Variants in UNC5D observed in about 807,000 individuals in gnomAD.
UNC5D encodes the protein unc-5 netrin receptor D.
Under a neutral mutation model 105.4 loss-of-function variants are expected in UNC5D, and 39 were observed. The ratio of observed to expected loss-of-function variants is 0.37; its 90% CI spans 0.29 to 0.48. The LOEUF is 0.48. Ranked by LOEUF, UNC5D falls within the 20% of genes least tolerant of loss-of-function variation. The pLI is 0.98. For missense variants in UNC5D, 991 were observed against 1,202.4 expected, an observed-to-expected ratio of 0.82 and a Z score of 2.60; for synonymous variants, 452 against 450.4, an observed-to-expected ratio of 1.00 and a Z score of -0.04.
At position 35,750,671 on chromosome 8, in the gene UNC5D, C is replaced by T. The variant is rs148296756; in HGVS notation, c.2025C>T (p.Thr675=). 2.5e-4 allele frequency: 406 copies of T among 1,614,118 alleles called. 2 individuals carry two copies. In the African/African-American group the frequency reaches 5.0e-3, roughly 20 times the overall value. ...ACHVLLDSFG[T]YALTGEPITD... is the part of the protein sequence containing the mutation. Reference sequence around the variant, plus strand: ...ATGTGCTCCTGGACAGCTTTGGGACCTATGCGCTCACTGGAGAGCCAATCA... The same window carrying T: ...ATGTGCTCCTGGACAGCTTTGGGACTTATGCGCTCACTGGAGAGCCAATCA... The change falls in exon 13 of 17, where the codon ACC becomes ACT. Residue 675 remains threonine (T), a synonymous_variant. Transcript: ENST00000404895.
At chr8:35,686,918 C>A (rs1213762757) in intron 7 of UNC5D, among the ~76,000 whole-genome samples, 1 of 152,100 alleles carries the variant, frequency 6.6e-6, no homozygotes. Flanking sequence ...TATCACTGTG[C>A]ATTCTGTTGA....
At chr8:35,704,571 T>C (rs73583051) in intron 7 of UNC5D, among the ~76,000 whole-genome samples, 8,684 of 152,242 alleles carry the variant, frequency 0.057, 664 homozygotes, top group African/African-American at 0.17. Context: ...CCCCCTACCA[T>C]TGTGTGAGTC....
chr8:35,793,094 A>G lies in UNC5D; in HGVS notation c.*2531A>G. 2.2e-6 allele frequency: 1 copy of G among 453,568 alleles called. No individual in the cohort carries two copies. The highest frequency in any genetic ancestry group is 4.4e-6 in the Non-Finnish European group (1 of 225,980). The allele number at this position is 453,568 out of a possible 1,614,324, so 28.1% of individuals were successfully genotyped here. On this transcript the variant is annotated 3_prime_UTR_variant, in exon 17 of 17. Coordinates refer to ENST00000404895, the MANE Select transcript of UNC5D (RefSeq NM_080872.4). ...TAAGATTCAATCAAATTCATCCTTCAGCCTGTCTTGTTTCTTCTTTATGTT... is the reference window on the plus strand; with the variant it reads ...TAAGATTCAATCAAATTCATCCTTCGGCCTGTCTTGTTTCTTCTTTATGTT...
chr8:35,299,062 C>A (rs973309917), intron 1 of UNC5D, among the ~76,000 whole-genome samples: 1 of 152,088 alleles, frequency 6.6e-6, no homozygotes, highest in Non-Finnish European at 1.5e-5. Context: ...GCTGATAATA[C>A]CATGGTGGGT....
chr8:35,411,091 T>C (rs543721031), intron 1 of UNC5D, among the ~76,000 whole-genome samples: 2 of 152,068 alleles, frequency 1.3e-5, no homozygotes, highest in Admixed American at 6.6e-5. Flanking sequence ...ACCTGGGAGA[T>C]AGAGATCACT....
intron 1 of UNC5D, among the ~76,000 whole-genome samples, chr8:35,411,696 C>T (rs886610807): frequency 1.3e-5 from 2 of 152,030 alleles, no homozygotes; most frequent in African/African-American, 4.8e-5. Context: ...TTATTTAAAT[C>T]TTATAAATAG....
At chr8:35,788,759 A>G (rs922497373) in intron 16 of UNC5D, among the ~76,000 whole-genome samples, 3 of 151,986 alleles carry the variant, frequency 2.0e-5, no homozygotes, top group Admixed American at 6.6e-5. Context: ...AAAGTTAAGT[A>G]CAAACATAAA....
chr8:35,663,260 ATTC>A (rs368496115), intron 4 of UNC5D, among the ~76,000 whole-genome samples: 71 of 152,124 alleles, frequency 4.7e-4, no homozygotes, highest in African/African-American at 1.7e-3. Context: ...ACACATTCCT[ATTC>A]TTTAGGTGGC....
chr8:35,779,389 AC>A (rs1396619107), intron 16 of UNC5D, among the ~76,000 whole-genome samples: 1 of 152,186 alleles, frequency 6.6e-6, no homozygotes, highest in Non-Finnish European at 1.5e-5. Flanking sequence ...AGGACTATCT[AC>A]TTGGGGGTTA....
rs554500283 is a variant in UNC5D at position 35,255,651 on chromosome 8, A to C, written c.103+19764A>C. ...GAGCTCTTCTGACAACTGTAGACACAGAGAAATTGGGGTGTGTTTAGTTAG... is the reference window on the plus strand; with the variant it reads ...GAGCTCTTCTGACAACTGTAGACACCGAGAAATTGGGGTGTGTTTAGTTAG... On this transcript the variant is annotated intron_variant, in intron 1 of 16. Coordinates refer to ENST00000404895, the MANE Select transcript of UNC5D (RefSeq NM_080872.4). The C allele has an allele frequency of 2.6e-5, 4 of 152,300 alleles. No individual in the cohort carries two copies. The South Asian group carries it at 8.3e-4, about 32-fold the overall frequency. The allele number at this position is 152,300 out of a possible 1,614,324, so 9.4% of individuals were successfully genotyped here. A position where few individuals can be genotyped will look rare whatever the true frequency, so the allele number is the denominator to read the frequency against.
intron 6 of UNC5D, among the ~76,000 whole-genome samples, chr8:35,686,184 G>A (rs1431236767): frequency 6.6e-6 from 1 of 152,120 alleles, no homozygotes; most frequent in Non-Finnish European, 1.5e-5. Context: ...GTGGCTGATT[G>A]TCAGTGGTTA....
chr8:35,252,712 A>G (rs1803792935), intron 1 of UNC5D, among the ~76,000 whole-genome samples: 1 of 152,210 alleles, frequency 6.6e-6, no homozygotes, highest in African/African-American at 2.4e-5. Context: ...GAAAAATGCT[A>G]CTAGGAACAT....
At chr8:35,319,665 T>A (rs1809573766) in intron 1 of UNC5D, among the ~76,000 whole-genome samples, 1 of 152,128 alleles carries the variant, frequency 6.6e-6, no homozygotes, top group Admixed American at 6.6e-5. Context: ...CAGAAAGGAA[T>A]AAGACTGTAC....
chr8:35,333,636 C>A (rs894526686), intron 1 of UNC5D, among the ~76,000 whole-genome samples: 4 of 152,032 alleles, frequency 2.6e-5, no homozygotes, highest in Admixed American at 6.5e-5. Context: ...CTTTCCCCCA[C>A]GCCCGGCTAA....
chr8:35,333,553 C>T (rs910278641), intron 1 of UNC5D, among the ~76,000 whole-genome samples: 5 of 152,148 alleles, frequency 3.3e-5, no homozygotes. Flanking sequence ...AATCTTGGCT[C>T]ACTGCAACCT....
intron 1 of UNC5D, among the ~76,000 whole-genome samples, chr8:35,297,707 C>G (rs2980396): frequency 0.82 from 124,488 of 151,818 alleles, 51,488 homozygotes; most frequent in East Asian, 1. Flanking sequence ...TTGCTGCCTC[C>G]GGATTTAATA....
chr8:35,320,680 A>G (rs940517953), intron 1 of UNC5D, among the ~76,000 whole-genome samples: 23 of 152,054 alleles, frequency 1.5e-4, no homozygotes, highest in African/African-American at 5.1e-4. Flanking sequence ...TGTCAGCCTT[A>G]AGATCTGTGT....
chr8:35,677,141 G>A (rs1825291519), intron 4 of UNC5D, among the ~76,000 whole-genome samples: 1 of 151,982 alleles, frequency 6.6e-6, no homozygotes, highest in Non-Finnish European at 1.5e-5. Context: ...AATTTCTGAT[G>A]CTAAAGCTAA....
chr8:35,421,722 T>C (rs1013749003), intron 1 of UNC5D, among the ~76,000 whole-genome samples: 1 of 152,126 alleles, frequency 6.6e-6, no homozygotes, highest in Non-Finnish European at 1.5e-5. Flanking sequence ...CTCACACACA[T>C]AGAAAAATAC....
Sources: allele counts gnomAD v4.1 joint callset (sites outside exome capture counted in the v4.1 genomes callset), GRCh38; gene constraint gnomAD v4.1.1; transcripts MANE v1.5; gene names NCBI Gene and HGNC (gene_info 2026-07-23, HGNC 2026-07-21).